Variants in VPS13B observed in about 807,000 individuals in gnomAD.
The protein encoded by VPS13B is intermembrane lipid transfer protein VPS13B.
Under a neutral mutation model 426.4 loss-of-function variants are expected in VPS13B, and 285 were observed. The observed-to-expected ratio is 0.67, with a 90% CI of 0.61 to 0.74. The LOEUF is 0.74. VPS13B is among the 30% of genes least tolerant of loss of function. The probability of loss-of-function intolerance (pLI) is 0.00; values close to 1 mark genes in which losing one functional copy is unlikely to be tolerated. For missense variants in VPS13B, 4,537 were observed against 4,782.6 expected, an observed-to-expected ratio of 0.95 and a Z score of 1.51; for synonymous variants, 1,676 against 1,676.4, an observed-to-expected ratio of 1.00 and a Z score of 0.01.
At chr8:99,298,831 A>T (rs72672353) in intron 19 of VPS13B, among the ~76,000 whole-genome samples, 14,015 of 152,234 alleles carry the variant, frequency 0.092, 952 homozygotes, top group African/African-American at 0.19. Flanking sequence ...AAATTTATTT[A>T]AAAAATTGGC....
chr8:99,861,936 C>G lies in VPS13B; in HGVS notation c.11205C>G (p.Ile3735Met), dbSNP rs1359351082. 1.3e-6 allele frequency: 2 copies of G among 1,592,968 alleles called. No homozygotes were observed. Among genetic ancestry groups the G allele is most frequent in the African/African-American group, 2.7e-5 (2 of 74,658 alleles). The change falls in exon 58 of 62, where the codon ATC (isoleucine) becomes ATG (methionine). Residue 3735 changes from isoleucine (I) to methionine (M), a missense_variant. Coordinates refer to ENST00000357162, the MANE Select transcript of VPS13B (RefSeq NM_152564.5). Reference protein sequence around the residue: ...GLRQGLSRLGISLLGAIAGIV... With the variant: ...GLRQGLSRLGMSLLGAIAGIV... ...GACAGGGCCTGTCCCGGCTGGGCAT[C>G]AGCCTGCTTGGTAAGGGGCTGCGGG...
chr8:99,022,947 G>C (rs763688531), intron 2 of VPS13B, among the ~76,000 whole-genome samples: 1 of 151,044 alleles, frequency 6.6e-6, no homozygotes, highest in Non-Finnish European at 1.5e-5. Flanking sequence ...CTACTCTCAA[G>C]GTGGACATTT....
intron 19 of VPS13B, among the ~76,000 whole-genome samples, chr8:99,368,562 G>C: frequency 6.6e-6 from 1 of 152,060 alleles, no homozygotes; most frequent in South Asian, 2.1e-4. Flanking sequence ...TATTATTTCT[G>C]TCTCTAAAAT....
At chr8:99,325,980 C>A (rs1232289182) in intron 19 of VPS13B, among the ~76,000 whole-genome samples, 1 of 152,002 alleles carries the variant, frequency 6.6e-6, no homozygotes, top group African/African-American at 2.4e-5. Flanking sequence ...GGGGTCATTT[C>A]TCAATACTCC....
rs1280694879 is a variant in VPS13B, at chr8:99,835,189, T to C, written c.9615-8T>C. 6.2e-7 allele frequency: 1 copy of C among 1,613,972 alleles called. No individual in the cohort carries two copies. Among genetic ancestry groups the C allele is most frequent in the East Asian group, 2.2e-5 (1 of 44,822 alleles). ...ACATTTCTGTCATTTGACTTGATTC[T>C]CTTCCAGGGCTATAGTGCTGACATA... is the stretch of plus-strand genomic sequence containing the variant. On this transcript the variant is annotated splice_polypyrimidine_tract_variant and splice_region_variant and intron_variant, in intron 52 of 61. Coordinates refer to ENST00000357162, the MANE Select transcript of VPS13B (RefSeq NM_152564.5).
intron 23 of VPS13B, among the ~76,000 whole-genome samples, chr8:99,445,702 A>G (rs1817882535): frequency 6.6e-6 from 1 of 152,078 alleles, no homozygotes; most frequent in East Asian, 1.9e-4. Flanking sequence ...TAATTTATTT[A>G]ATGATGTAGT....
chr8:99,577,694 A>C (rs1825842553), intron 33 of VPS13B, 61 bp downstream of exon 33: 1 of 1,592,960 alleles, frequency 6.3e-7, no homozygotes, highest in Non-Finnish European at 8.6e-7. Flanking sequence ...CATTCACAGT[A>C]GGAAAACTAT....
rs1588095507 is a variant in VPS13B at position 99,156,454 on chromosome 8, C to T, written c.2014-95C>T. 3.3e-6 allele frequency: 4 copies of T among 1,215,882 alleles called. No individual in the cohort carries two copies. In the East Asian group the frequency reaches 9.4e-5, roughly 28 times the overall value. The allele number at this position is 1,215,882 out of a possible 1,614,324, so 75.3% of individuals were successfully genotyped here. A position where few individuals can be genotyped will look rare whatever the true frequency, so the allele number is the denominator to read the frequency against. ...TCATTTCTAGATTGATTTGATATCA[C>T]TGCAAATGTGCAGATCTGAAGCTTG... is the stretch of plus-strand genomic sequence containing the variant. On this transcript the variant is annotated intron_variant, in intron 14 of 61. Coordinates refer to ENST00000357162, the MANE Select transcript of VPS13B (RefSeq NM_152564.5).
chr8:99,733,611 G>A (rs1833689690), intron 39 of VPS13B, among the ~76,000 whole-genome samples: 1 of 152,126 alleles, frequency 6.6e-6, no homozygotes, highest in Non-Finnish European at 1.5e-5. Flanking sequence ...TTGAATCTTG[G>A]AGGAAATCTG....
chr8:99,479,363 A>G (rs1819915759), intron 24 of VPS13B, among the ~76,000 whole-genome samples: 1 of 152,232 alleles, frequency 6.6e-6, no homozygotes, highest in Non-Finnish European at 1.5e-5. Flanking sequence ...TCAGCATTCA[A>G]TACACAAGAC....
At chr8:99,192,734 A>G (rs1448913241) in intron 16 of VPS13B, 142 bp from the exon 17 acceptor site, 8 of 743,238 alleles carry the variant, frequency 1.1e-5, no homozygotes, top group African/African-American at 3.5e-5. Flanking sequence ...GCAGAATTGC[A>G]TATCTATTTT....
chr8:99,218,757 G>C (rs1201724330), intron 17 of VPS13B, among the ~76,000 whole-genome samples: 1 of 152,206 alleles, frequency 6.6e-6, no homozygotes, highest in Non-Finnish European at 1.5e-5. Context: ...AAATAAGTTT[G>C]ACAAGAGTAG....
At chr8:99,062,712 C>A (rs1405199882) in intron 3 of VPS13B, among the ~76,000 whole-genome samples, 1 of 152,044 alleles carries the variant, frequency 6.6e-6, no homozygotes, top group Admixed American at 6.5e-5. Flanking sequence ...AGATGATCCA[C>A]CCGCCTTGTG....
chr8:99,567,478 TG>T lies in VPS13B; in HGVS notation c.4950-8179del, dbSNP rs752329577. 4.9e-4 allele frequency among the ~76,000 whole-genome samples: 71 copies of T among 144,736 alleles called. 1 individual carries two copies. The South Asian group carries it at 0.015, about 31-fold the overall frequency. The allele number at this position is 144,736 out of a possible 152,430, so 95.0% of individuals were successfully genotyped here. On this transcript the variant is annotated intron_variant, in intron 31 of 61. Coordinates refer to ENST00000357162, the MANE Select transcript of VPS13B (RefSeq NM_152564.5). Reference sequence around the variant, plus strand: ...GTTTTGGCAGGAAAGTTTTTGTTGGTGTTTTTTTTTTTTCAAGAATGAGAAT... The same window carrying T: ...GTTTTGGCAGGAAAGTTTTTGTTGGTTTTTTTTTTTTTCAAGAATGAGAAT...
intron 3 of VPS13B, among the ~76,000 whole-genome samples, chr8:99,051,265 A>C (rs1185103361): frequency 1.3e-5 from 2 of 152,318 alleles, no homozygotes; most frequent in Non-Finnish European, 2.9e-5. Flanking sequence ...CAGTTTTCCC[A>C]GCACCATTTA....
chr8:99,770,891 G>T (rs1811455083), intron 40 of VPS13B, among the ~76,000 whole-genome samples: 1 of 152,150 alleles, frequency 6.6e-6, no homozygotes, highest in South Asian at 2.1e-4. Context: ...ACTCTTATTT[G>T]CAATTGGCAG....
At chr8:99,246,953 G>T (rs1307670682) in intron 17 of VPS13B, among the ~76,000 whole-genome samples, 1 of 152,108 alleles carries the variant, frequency 6.6e-6, no homozygotes, top group Admixed American at 6.6e-5. Flanking sequence ...GAATTAGCTA[G>T]ATATTTTTGA....
chr8:99,138,699 C>G (rs1193605458), intron 12 of VPS13B, among the ~76,000 whole-genome samples: 2 of 152,152 alleles, frequency 1.3e-5, no homozygotes. Flanking sequence ...ATTCCTTAGC[C>G]AGTTATATAT....
At chr8:99,656,841 A>G (rs1188195396) in intron 34 of VPS13B, among the ~76,000 whole-genome samples, 2 of 152,220 alleles carry the variant, frequency 1.3e-5, no homozygotes, top group African/African-American at 4.8e-5. Flanking sequence ...GACTACAGGC[A>G]TATGCGAAGT....
Sources: allele counts gnomAD v4.1 joint callset (sites outside exome capture counted in the v4.1 genomes callset), GRCh38; gene constraint gnomAD v4.1.1; transcripts MANE v1.5; gene names NCBI Gene and HGNC (gene_info 2026-07-23, HGNC 2026-07-21).